Variants in LINGO2 observed in about 807,000 individuals in gnomAD.
LINGO2 encodes leucine-rich repeat and immunoglobulin-like domain-containing nogo receptor-interacting protein 2.
A neutral mutation model predicts 30.6 loss-of-function variants in LINGO2; 14 were observed. The observed-to-expected ratio is 0.46, with a 90% CI of 0.30 to 0.72. The LOEUF is 0.72. Among genes scored for constraint, LINGO2 ranks in the 30% least tolerant of loss-of-function variants. LINGO2 has a pLI of 0.07. For synonymous variants in LINGO2, 317 were observed against 288.5 expected (o/e 1.10, Z -1.00); for missense variants, 729 against 751.7 (o/e 0.97, Z 0.35).
Position 28,426,286 on chromosome 9 carries a change from T to A in LINGO2, c.-279+49654A>T, listed in dbSNP as rs73435301. ...TATAGGTTTGCCTATAACATATTAA[T>A]GATACATAATATATAATAAAACATT... On this transcript the variant is annotated intron_variant, in intron 2 of 5. Transcript: ENST00000379992. Among the ~76,000 whole-genome samples the A allele has an allele frequency of 2.7e-3, 415 of 152,176 alleles. 2 individuals carry two copies. Among genetic ancestry groups the A allele is most frequent in the Admixed American group, 7.1e-3 (108 of 15,240 alleles).
At position 28,295,384 on chromosome 9, in the gene LINGO2, T is replaced by C. The variant is rs562709267; in HGVS notation, c.-245-18A>G. 6.6e-6 allele frequency: 1 copy of C among 152,552 alleles called. No homozygotes were observed. The allele number at this position is 152,552 out of a possible 1,614,324, so 9.4% of individuals were successfully genotyped here. On this transcript the variant is annotated intron_variant, in intron 3 of 5. Coordinates refer to ENST00000379992, the Ensembl canonical transcript of LINGO2. Reference sequence around the variant, plus strand: ...AAACGAACCTGCAACAAACAAGATATTTCTCCATTTTAATTGAAAAATAGT... The same window carrying C: ...AAACGAACCTGCAACAAACAAGATACTTCTCCATTTTAATTGAAAAATAGT...
At chr9:28,035,316 C>G (rs10968294) in intron 4 of LINGO2, among the ~76,000 whole-genome samples, 14 of 152,214 alleles carry the variant, frequency 9.2e-5, no homozygotes, top group Non-Finnish European at 1.8e-4. Flanking sequence ...TTTTAGATGA[C>G]ATTACTTTGA....
the LINGO2 span, among the ~76,000 whole-genome samples, chr9:28,790,478 G>A: frequency 6.6e-6 from 1 of 150,502 alleles, no homozygotes; most frequent in Non-Finnish European, 1.5e-5. Context: ...ACAGGCGCCC[G>A]CCACCACGCC....
chr9:28,460,867 A>T (rs760944944), intron 2 of LINGO2, among the ~76,000 whole-genome samples: 1 of 152,096 alleles, frequency 6.6e-6, no homozygotes, highest in Non-Finnish European at 1.5e-5. Flanking sequence ...GTAAGTGAGC[A>T]AGAACTCAAC....
At chr9:28,899,260 T>G in the LINGO2 span, among the ~76,000 whole-genome samples, 1 of 152,178 alleles carries the variant, frequency 6.6e-6, no homozygotes, top group Non-Finnish European at 1.5e-5. Flanking sequence ...AGGTTAAGTA[T>G]CAGTTTCCAG....
chr9:27,962,549 C>G (rs943260234), intron 5 of LINGO2, among the ~76,000 whole-genome samples: 5 of 152,232 alleles, frequency 3.3e-5, no homozygotes, highest in East Asian at 3.9e-4. Context: ...ACTGCTCCCC[C>G]CCTTCTACGA....
intron 4 of LINGO2, among the ~76,000 whole-genome samples, chr9:28,293,907 T>C (rs1360869245): frequency 6.6e-6 from 1 of 152,230 alleles, no homozygotes; most frequent in Non-Finnish European, 1.5e-5. Context: ...TACTAATGTA[T>C]GCTGTGTTTT....
intron 1 of LINGO2, among the ~76,000 whole-genome samples, chr9:28,644,742 T>C (rs1340167866): frequency 6.6e-6 from 1 of 152,060 alleles, no homozygotes; most frequent in Non-Finnish European, 1.5e-5. Context: ...AGAAGCCCCA[T>C]TTTCCATGAT....
chr9:28,169,749 C>T (rs1234408011), intron 4 of LINGO2, among the ~76,000 whole-genome samples: 1 of 152,146 alleles, frequency 6.6e-6, no homozygotes, highest in East Asian at 1.9e-4. Flanking sequence ...GGAAAGGTAG[C>T]TGGAAGGGAC....
intron 2 of LINGO2, among the ~76,000 whole-genome samples, chr9:28,443,095 T>C (rs927735708): frequency 2.0e-5 from 3 of 152,050 alleles, no homozygotes; most frequent in Non-Finnish European, 4.4e-5. Flanking sequence ...TGTGCATGAG[T>C]AGAAGAGGAA....
At chr9:29,150,744 C>G in the LINGO2 span, among the ~76,000 whole-genome samples, 3 of 152,042 alleles carry the variant, frequency 2.0e-5, no homozygotes, top group Non-Finnish European at 2.9e-5. Context: ...CTGAGAAATA[C>G]GGGATTTCAT....
chr9:28,552,339 A>T (rs1283250313), intron 1 of LINGO2, among the ~76,000 whole-genome samples: 1 of 152,044 alleles, frequency 6.6e-6, no homozygotes, highest in African/African-American at 2.4e-5. Context: ...ACATTAAGAA[A>T]ATAACTGCAC....
chr9:28,817,955 T>C, the LINGO2 span, among the ~76,000 whole-genome samples: 1 of 152,220 alleles, frequency 6.6e-6, no homozygotes, highest in Non-Finnish European at 1.5e-5. Context: ...TTTCTAGTCA[T>C]TCTTCTCATA....
the LINGO2 span, among the ~76,000 whole-genome samples, chr9:28,933,615 C>T: frequency 6.6e-6 from 1 of 152,084 alleles, no homozygotes; most frequent in Non-Finnish European, 1.5e-5. Flanking sequence ...GAATCAAAAT[C>T]CGGACAAACA....
chr9:29,047,481 T>G, the LINGO2 span, among the ~76,000 whole-genome samples: 21 of 152,030 alleles, frequency 1.4e-4, no homozygotes, highest in Admixed American at 1.4e-3. Context: ...GCTCTCAACA[T>G]AATAAAAGCC....
At chr9:28,840,166 G>T in the LINGO2 span, among the ~76,000 whole-genome samples, 1 of 151,980 alleles carries the variant, frequency 6.6e-6, no homozygotes, top group African/African-American at 2.4e-5. Flanking sequence ...AGATGCTCAG[G>T]TTCCCAGCTG....
At chr9:28,240,758 C>G (rs894189471) in intron 4 of LINGO2, among the ~76,000 whole-genome samples, 1 of 152,070 alleles carries the variant, frequency 6.6e-6, no homozygotes, top group African/African-American at 2.4e-5. Context: ...TAATATCCCA[C>G]AAGCATAAGC....
chr9:28,450,817 A>G (rs2135069725), intron 2 of LINGO2, among the ~76,000 whole-genome samples: 1 of 152,108 alleles, frequency 6.6e-6, no homozygotes, highest in Non-Finnish European at 1.5e-5. Context: ...GAGATTCCTC[A>G]TATTTCCATT....
chr9:28,590,136 C>A (rs902492557), intron 1 of LINGO2, among the ~76,000 whole-genome samples: 12 of 152,042 alleles, frequency 7.9e-5, no homozygotes, highest in African/African-American at 2.9e-4. Flanking sequence ...CTTCCTGACA[C>A]CTTATACAAA....
Sources: gnomAD v4.1 joint callset for allele counts (sites outside exome capture counted in the v4.1 genomes callset) on GRCh38, gnomAD v4.1.1 for gene constraint, MANE v1.5 for transcripts, NCBI Gene and HGNC (gene_info 2026-07-23, HGNC 2026-07-21) for gene names.